CDS2: variants seen among roughly 807,000 people sequenced by gnomAD.
The protein encoded by CDS2 is CDP-diacylglycerol synthase 2, also known as phosphatidate cytidylyltransferase 2.
Under a neutral mutation model 59.0 loss-of-function variants are expected in CDS2, and 47 were observed. That is an observed-to-expected ratio of 0.80 (90% confidence interval 0.63 to 1.02). The LOEUF (loss-of-function observed/expected upper bound fraction) is 1.02. Ranked by LOEUF, CDS2 falls within the 50% of genes least tolerant of loss-of-function variation. The pLI is 0.00. For synonymous variants in CDS2, 207 were observed against 206.4 expected, an observed-to-expected ratio of 1.00 and a Z score of -0.02; for missense variants, 356 against 558.9, an observed-to-expected ratio of 0.64 and a Z score of 3.66.
At chr20:5,169,301 C>T (rs2090937673) in intron 1 of CDS2, among the ~76,000 whole-genome samples, 1 of 152,150 alleles carries the variant, frequency 6.6e-6, no homozygotes, top group Non-Finnish European at 1.5e-5. Context: ...GCAGGGCAGC[C>T]TCTCCCTGCT....
At chr20:5,183,202 A>AC (rs1283649481) in intron 7 of CDS2, 59 bp downstream of exon 7, 3 of 1,415,350 alleles carry the variant, frequency 2.1e-6, no homozygotes, top group South Asian at 2.3e-5. Context: ...GTGTACAGAT[A>AC]CCCCCCTCTA....
chr20:5,165,675 A>C (rs2090908519), intron 1 of CDS2, among the ~76,000 whole-genome samples: 1 of 152,034 alleles, frequency 6.6e-6, no homozygotes, highest in Non-Finnish European at 1.5e-5. Flanking sequence ...TGGCCTCCCA[A>C]AGTTTTGGGA....
chr20:5,166,116 T>C (rs905926623), intron 1 of CDS2, among the ~76,000 whole-genome samples: 1 of 152,128 alleles, frequency 6.6e-6, no homozygotes, highest in African/African-American at 2.4e-5. Flanking sequence ...GAGTGGACTC[T>C]AGGCTGAAGG....
At chr20:5,187,936 A>C (rs1471091321) in intron 10 of CDS2, 2 of 152,120 alleles carry the variant, frequency 1.3e-5, no homozygotes, top group African/African-American at 2.4e-5. Flanking sequence ...ACCAAGGATA[A>C]AATTTGGCTT....
chr20:5,144,131 T>C (rs971996523), intron 1 of CDS2, among the ~76,000 whole-genome samples: 2 of 152,186 alleles, frequency 1.3e-5, no homozygotes, highest in African/African-American at 2.4e-5. Flanking sequence ...GTAATTCTGT[T>C]TAATTTTTGG....
chr20:5,127,057 G>C lies in CDS2; in HGVS notation c.-36G>C, dbSNP rs553190177. 36 of 1,487,050 alleles carry C rather than the reference G, an allele frequency of 2.4e-5. No homozygotes were observed. Among genetic ancestry groups the C allele is most frequent in the Non-Finnish European group, 3.1e-5 (35 of 1,117,856 alleles). The allele number at this position is 1,487,050 out of a possible 1,614,324, so 92.1% of individuals were successfully genotyped here. ...AGCTGCCTGCTCCGGCGGCTTCGCT[G>C]CTAGCTCGCGGCGACGTCGGGCCGA... On this transcript the variant is annotated 5_prime_UTR_variant, in exon 1 of 13. Coordinates refer to ENST00000460006, the MANE Select transcript of CDS2 (RefSeq NM_003818.4).
At chr20:5,127,202 C>G in intron 1 of CDS2, 53 bp downstream of exon 1, 2 of 1,402,640 alleles carry the variant, frequency 1.4e-6, no homozygotes. Context: ...ATCCGGGAGG[C>G]CTGCGGGGGA....
chr20:5,160,952 TGATA>T (rs1173180318), intron 1 of CDS2, among the ~76,000 whole-genome samples: 2 of 152,246 alleles, frequency 1.3e-5, no homozygotes, highest in Admixed American at 6.5e-5. Context: ...ATTCCTTTGT[TGATA>T]GATACTTGGA....
intron 1 of CDS2, among the ~76,000 whole-genome samples, chr20:5,144,654 A>G (rs2090724589): frequency 6.6e-6 from 1 of 151,876 alleles, no homozygotes; most frequent in Admixed American, 6.5e-5. Context: ...CTTTTCCTAC[A>G]TGTTTCTTTG....
chr20:5,171,045 C>T (rs145324454), intron 1 of CDS2, among the ~76,000 whole-genome samples: 56 of 152,324 alleles, frequency 3.7e-4, no homozygotes, highest in African/African-American at 1.3e-3. Flanking sequence ...ACAATAGTTG[C>T]GATATCTTTG....
At chr20:5,175,152 T>A in intron 2 of CDS2, 31 bp from the exon 3 acceptor site, 2 of 1,527,744 alleles carry the variant, frequency 1.3e-6, no homozygotes, top group Non-Finnish European at 1.8e-6. Context: ...TCCTAACTGG[T>A]GTTTTCTCCT....
chr20:5,144,391 C>T (rs1034200307), intron 1 of CDS2, among the ~76,000 whole-genome samples: 12 of 152,020 alleles, frequency 7.9e-5, no homozygotes, highest in Non-Finnish European at 4.4e-5. Context: ...TTATATGGCC[C>T]CCCTAGTAAT....
intron 11 of CDS2, 127 bp downstream of exon 11, chr20:5,189,313 A>G (rs1187136425): frequency 1.0e-6 from 1 of 1,001,734 alleles, no homozygotes; most frequent in Non-Finnish European, 1.5e-6. Flanking sequence ...ATCTTGACCC[A>G]TGCACTGAAT....
intron 9 of CDS2, 68 bp from the exon 10 acceptor site, chr20:5,186,619 G>C: frequency 6.4e-7 from 1 of 1,562,178 alleles, no homozygotes; most frequent in Non-Finnish European, 8.8e-7. Flanking sequence ...GGCCAAACCA[G>C]GTGCCTGTGT....
At chr20:5,156,783 C>A (rs573248443) in intron 1 of CDS2, among the ~76,000 whole-genome samples, 6 of 152,268 alleles carry the variant, frequency 3.9e-5, no homozygotes, top group Non-Finnish European at 7.4e-5. Flanking sequence ...ATGTTGGCTT[C>A]ATTTTTGGGT....
intron 1 of CDS2, among the ~76,000 whole-genome samples, chr20:5,164,628 G>GA (rs11481738): frequency 0.32 from 45,604 of 142,620 alleles, 7,297 homozygotes; most frequent in South Asian, 0.39. Context: ...TTAATAAACT[G>GA]AAAAAAAAAA....
chr20:5,152,159 T>C (rs1042783387), intron 1 of CDS2, among the ~76,000 whole-genome samples: 1 of 152,124 alleles, frequency 6.6e-6, no homozygotes, highest in Admixed American at 6.5e-5. Context: ...GATACAAGTA[T>C]ATTTTTGTTC....
chr20:5,151,182 G>T (rs574182531), intron 1 of CDS2, among the ~76,000 whole-genome samples: 1 of 152,316 alleles, frequency 6.6e-6, no homozygotes, highest in East Asian at 1.9e-4. Flanking sequence ...TAAGTTGACA[G>T]TGTTAATGCT....
chr20:5,146,011 T>G (rs1412948185), intron 1 of CDS2, among the ~76,000 whole-genome samples: 1 of 151,934 alleles, frequency 6.6e-6, no homozygotes, highest in Non-Finnish European at 1.5e-5. Context: ...TTTGTAGAGA[T>G]GGGGTCTCAC....
Sources: allele counts gnomAD v4.1 joint callset (sites outside exome capture counted in the v4.1 genomes callset), GRCh38; gene constraint gnomAD v4.1.1; transcripts MANE v1.5; gene names NCBI Gene and HGNC (gene_info 2026-07-23, HGNC 2026-07-21).